Variants in RAB38 observed in about 807,000 individuals in gnomAD.
RAB38 encodes RAB38, member RAS oncogene family.
RAB38 carries 15 observed loss-of-function variants against 18.4 expected under a neutral mutation model. The ratio of observed to expected loss-of-function variants is 0.82; its 90% CI spans 0.55 to 1.26. The LOEUF (loss-of-function observed/expected upper bound fraction) is 1.26, where lower values mean the gene tolerates loss of function less well. Ranked by LOEUF, RAB38 falls within the 50% of genes most tolerant of loss-of-function variation. The pLI is 0.00. For missense variants in RAB38, 294 were observed against 267.4 expected (o/e 1.10, Z -0.69); for synonymous variants, 101 against 104.4 (o/e 0.97, Z 0.20).
At chr11:87,939,406 A>G in the RAB38 span, among the ~76,000 whole-genome samples, 34,680 of 150,098 alleles carry the variant, frequency 0.23, 4,368 homozygotes, top group South Asian at 0.39. Context: ...ACACACACAC[A>G]CACACACTCC....
At chr11:87,850,689 G>A in the RAB38 span, among the ~76,000 whole-genome samples, 5 of 149,842 alleles carry the variant, frequency 3.3e-5, no homozygotes, top group Admixed American at 2.7e-4. Flanking sequence ...ATTAGCTTTT[G>A]GGGGGATCCA....
At chr11:87,822,548 C>T in the RAB38 span, among the ~76,000 whole-genome samples, 1 of 152,134 alleles carries the variant, frequency 6.6e-6, no homozygotes. Flanking sequence ...GACTTACTAG[C>T]CTCAGAAGAT....
chr11:88,080,420 T>A, the RAB38 span, among the ~76,000 whole-genome samples: 1 of 151,904 alleles, frequency 6.6e-6, no homozygotes. Flanking sequence ...GTGATATATA[T>A]ACTGTATGTA....
chr11:87,901,405 GT>G, the RAB38 span, among the ~76,000 whole-genome samples: 1 of 151,498 alleles, frequency 6.6e-6, no homozygotes, highest in African/African-American at 2.4e-5. Flanking sequence ...TTCCAGAATT[GT>G]TTTGGAGAAC....
chr11:88,112,465 A>G (rs1194903078), downstream of RAB38, among the ~76,000 whole-genome samples: 1 of 152,176 alleles, frequency 6.6e-6, no homozygotes, highest in Non-Finnish European at 1.5e-5. Flanking sequence ...CAAGACTCTT[A>G]AGGATATGTA....
the RAB38 span, among the ~76,000 whole-genome samples, chr11:88,047,088 C>T: frequency 2.0e-5 from 3 of 152,220 alleles, no homozygotes; most frequent in African/African-American, 7.2e-5. Flanking sequence ...AAATCACAAA[C>T]TGTGCTCAAC....
the RAB38 span, among the ~76,000 whole-genome samples, chr11:88,082,629 A>C: frequency 6.6e-6 from 1 of 151,886 alleles, no homozygotes; most frequent in South Asian, 2.1e-4. Context: ...TTTGACCTTT[A>C]TCTCTCAATC....
At chr11:88,043,362 G>A in the RAB38 span, among the ~76,000 whole-genome samples, 1 of 152,074 alleles carries the variant, frequency 6.6e-6, no homozygotes, top group Non-Finnish European at 1.5e-5. Flanking sequence ...GAAAACAAAG[G>A]CAGGATGGAG....
chr11:87,933,357 A>G, the RAB38 span, among the ~76,000 whole-genome samples: 5 of 152,062 alleles, frequency 3.3e-5, no homozygotes, highest in Admixed American at 3.3e-4. Context: ...CATATTTTTC[A>G]GGTAAAGTTG....
the RAB38 span, among the ~76,000 whole-genome samples, chr11:87,965,098 G>A: frequency 1.3e-5 from 2 of 152,052 alleles, no homozygotes; most frequent in African/African-American, 2.4e-5. Flanking sequence ...CTGCTAGCAT[G>A]GGCCTCAGGT....
chr11:87,806,077 A>C, the RAB38 span, among the ~76,000 whole-genome samples: 1 of 152,202 alleles, frequency 6.6e-6, no homozygotes, highest in Non-Finnish European at 1.5e-5. Context: ...GATACATAAA[A>C]TTAGCCATCA....
chr11:88,126,666 A>T (rs1402831669), intron 2 of RAB38, among the ~76,000 whole-genome samples: 1 of 150,662 alleles, frequency 6.6e-6, no homozygotes, highest in Non-Finnish European at 1.5e-5. Context: ...AAACCTGCAC[A>T]TTGTGCACAT....
the RAB38 span, among the ~76,000 whole-genome samples, chr11:87,969,207 C>T: frequency 6.6e-6 from 1 of 152,006 alleles, no homozygotes; most frequent in African/African-American, 2.4e-5. Flanking sequence ...TTTTCCAACT[C>T]GATATTACTC....
the RAB38 span, among the ~76,000 whole-genome samples, chr11:88,029,720 A>T: frequency 6.6e-6 from 1 of 152,078 alleles, no homozygotes; most frequent in African/African-American, 2.4e-5. Flanking sequence ...GAGCACCCAG[A>T]TTCATAAAGC....
chr11:87,940,534 G>A, the RAB38 span, among the ~76,000 whole-genome samples: 3 of 152,016 alleles, frequency 2.0e-5, no homozygotes, highest in African/African-American at 7.2e-5. Flanking sequence ...AAGCAAAAGA[G>A]TTCCTGCTTG....
At chr11:87,809,192 T>C in the RAB38 span, among the ~76,000 whole-genome samples, 1 of 152,106 alleles carries the variant, frequency 6.6e-6, no homozygotes, top group Non-Finnish European at 1.5e-5. Context: ...GATAAAACAA[T>C]GACAAAATTC....
chr11:87,943,061 G>A, the RAB38 span, among the ~76,000 whole-genome samples: 1 of 152,026 alleles, frequency 6.6e-6, no homozygotes, highest in Admixed American at 6.6e-5. Flanking sequence ...AATGAATGAA[G>A]TGAAAAAGTC....
the RAB38 span, among the ~76,000 whole-genome samples, chr11:87,830,517 A>G: frequency 2.0e-5 from 3 of 152,050 alleles, no homozygotes; most frequent in South Asian, 4.2e-4. Context: ...AATAATGGAT[A>G]ATGTTTATTG....
chr11:87,931,499 G>A, the RAB38 span, among the ~76,000 whole-genome samples: 1 of 152,038 alleles, frequency 6.6e-6, no homozygotes, highest in South Asian at 2.1e-4. Context: ...CAATTACCAG[G>A]AGTAGGACTG....
Sources: allele counts gnomAD v4.1 joint callset (sites outside exome capture counted in the v4.1 genomes callset), GRCh38; gene constraint gnomAD v4.1.1; transcripts MANE v1.5; gene names NCBI Gene and HGNC (gene_info 2026-07-23, HGNC 2026-07-21).